SYT6: variants seen among roughly 807,000 people sequenced by gnomAD.
SYT6 encodes the protein synaptotagmin-6.
SYT6 carries 24 observed loss-of-function variants against 38.4 expected under a neutral mutation model. That is an observed-to-expected ratio of 0.62 (90% CI 0.45 to 0.88). SYT6 has a LOEUF of 0.88. Ranked by LOEUF, SYT6 falls within the 40% of genes least tolerant of loss-of-function variation. The probability of loss-of-function intolerance (pLI) is 0.00; values close to 1 mark genes in which losing one functional copy is unlikely to be tolerated. For synonymous variants in SYT6, 265 were observed against 241.9 expected (o/e 1.10, Z -0.89); for missense variants, 611 against 621.0 (o/e 0.98, Z 0.17).
At chr1:114,129,846 T>G (rs911762104) in intron 3 of SYT6, among the ~76,000 whole-genome samples, 29 of 151,148 alleles carry the variant, frequency 1.9e-4, no homozygotes, top group African/African-American at 6.8e-4. Context: ...CTGTTTTTTT[T>G]TTTTTTTTTT....
chr1:114,130,195 C>A, intron 3 of SYT6, among the ~76,000 whole-genome samples: 1 of 141,796 alleles, frequency 7.1e-6, no homozygotes, highest in African/African-American at 2.5e-5. Context: ...ACTTTCCTAT[C>A]ACATTTCCCT....
intron 3 of SYT6, among the ~76,000 whole-genome samples, chr1:114,113,013 G>C (rs531781983): frequency 7.2e-5 from 11 of 152,306 alleles, no homozygotes; most frequent in African/African-American, 2.6e-4. Context: ...GCCCTGAGGG[G>C]GATGCCAAAT....
intron 6 of SYT6, among the ~76,000 whole-genome samples, chr1:114,097,407 AAGGAC>A (rs1181911222): frequency 2.6e-5 from 4 of 152,202 alleles, no homozygotes; most frequent in African/African-American, 9.6e-5. Flanking sequence ...CTTTCTCCTA[AAGGAC>A]AGACTTGGCC....
chr1:114,142,737 A>G (rs1030104764), intron 1 of SYT6, among the ~76,000 whole-genome samples: 7 of 152,206 alleles, frequency 4.6e-5, no homozygotes, highest in African/African-American at 1.4e-4. Flanking sequence ...ACCAGCAACC[A>G]CCAAACTGGT....
intron 1 of SYT6, among the ~76,000 whole-genome samples, chr1:114,144,532 G>C (rs369336109): frequency 6.6e-6 from 1 of 152,148 alleles, no homozygotes; most frequent in African/African-American, 2.4e-5. Context: ...ACTATGACAC[G>C]TGTTTTTCCT....
rs74410982 is a variant in SYT6, at chr1:114,110,791, C to A, written c.1072-7070G>T. Among the ~76,000 whole-genome samples, 178 of 152,330 alleles carry A rather than the reference C, an allele frequency of 1.2e-3. 1 individual carries two copies. The highest frequency in any genetic ancestry group is 4.1e-3 in the African/African-American group (172 of 41,566). On this transcript the variant is annotated intron_variant, in intron 3 of 7. Coordinates refer to ENST00000610222, the MANE Select transcript of SYT6 (RefSeq NM_001253772.2). ...CTGAGGCCCTCTCCTCCCATCCTCG[C>A]TGCACTACCTCAGCTCTGGCCTGCA...
chr1:114,128,806 T>C (rs947042632), intron 3 of SYT6, among the ~76,000 whole-genome samples: 1 of 152,246 alleles, frequency 6.6e-6, no homozygotes, highest in African/African-American at 2.4e-5. Context: ...GTTTTCTTCA[T>C]AGCCCCACAT....
rs866659113 is a variant in SYT6 at position 114,129,613 on chromosome 1, T to C, written c.1071+7882A>G. 7.0e-3 allele frequency among the ~76,000 whole-genome samples: 473 copies of C among 67,936 alleles called. 3 individuals are homozygous for C. The highest frequency in any genetic ancestry group is 7.6e-3 in the African/African-American group (172 of 22,624). The allele number at this position is 67,936 out of a possible 152,430, so 44.6% of individuals were successfully genotyped here. A position where few individuals can be genotyped will look rare whatever the true frequency, so the allele number is the denominator to read the frequency against. On this transcript the variant is annotated intron_variant, in intron 3 of 7. Coordinates refer to ENST00000610222, the MANE Select transcript of SYT6 (RefSeq NM_001253772.2). The stretch of plus-strand genomic sequence containing the variant: ...CTTTCTTTCTTTCTTTCTTTCTTTC[T>C]TTCCTTTCTTTCTTTCTTTCTTTCT...
At chr1:114,108,946 C>A (rs915517234) in intron 3 of SYT6, among the ~76,000 whole-genome samples, 1 of 152,182 alleles carries the variant, frequency 6.6e-6, no homozygotes, top group African/African-American at 2.4e-5. Context: ...CATAGGAGAC[C>A]TAAAAAGATC....
At chr1:114,118,227 T>A (rs1253936879) in intron 3 of SYT6, among the ~76,000 whole-genome samples, 1 of 152,196 alleles carries the variant, frequency 6.6e-6, no homozygotes, top group Non-Finnish European at 1.5e-5. Flanking sequence ...AGCACGATGA[T>A]AAAGCGCCAA....
At chr1:114,152,142 T>C (rs1447158614) in intron 1 of SYT6, 1 of 151,948 alleles carries the variant, frequency 6.6e-6, no homozygotes, top group Non-Finnish European at 1.5e-5. Flanking sequence ...TACCTCTATA[T>C]ACGACCTTTA....
At chr1:114,106,107 AG>A (rs1676296171) in intron 3 of SYT6, among the ~76,000 whole-genome samples, 2 of 152,180 alleles carry the variant, frequency 1.3e-5, no homozygotes, top group Admixed American at 6.5e-5. Flanking sequence ...GTCCTGCGGC[AG>A]GGGGCAGATC....
At chr1:114,152,174 G>C (rs952786678) in intron 1 of SYT6, 4 of 152,056 alleles carry the variant, frequency 2.6e-5, no homozygotes, top group African/African-American at 7.3e-5. Context: ...AAGAAAACAG[G>C]ACCCTGGGAC....
intron 3 of SYT6, among the ~76,000 whole-genome samples, chr1:114,117,236 C>T (rs1677050523): frequency 6.6e-6 from 1 of 152,196 alleles, no homozygotes; most frequent in Admixed American, 6.5e-5. Flanking sequence ...GAAGCAGGTG[C>T]CTTTCGCCCT....
chr1:114,140,077 A>G, intron 1 of SYT6, 114 bp from the exon 2 acceptor site: 1 of 623,498 alleles, frequency 1.6e-6, no homozygotes, highest in Non-Finnish European at 2.6e-6. Context: ...AGAAGAGAGA[A>G]GAATGGTCAT....
chr1:114,151,723 G>T (rs770076370), intron 1 of SYT6, among the ~76,000 whole-genome samples: 6 of 152,204 alleles, frequency 3.9e-5, no homozygotes, highest in Non-Finnish European at 8.8e-5. Flanking sequence ...AGACGGAAGG[G>T]AGCTGGGGAG....
intron 1 of SYT6, among the ~76,000 whole-genome samples, chr1:114,147,019 T>C (rs2101119744): frequency 6.6e-6 from 1 of 152,360 alleles, no homozygotes; most frequent in South Asian, 2.1e-4. Context: ...GTCCTTAGTT[T>C]TGAAATTTGT....
Position 114,137,524 on chromosome 1 carries a change from T to G in SYT6, c.1042A>C (p.Ile348Leu). The G allele has an allele frequency of 6.2e-7, 1 of 1,613,922 alleles. No homozygotes were observed. The highest frequency in any genetic ancestry group is 8.5e-7 in the Non-Finnish European group (1 of 1,179,808). ...GTGGCATATTGGATATCCTTCCAGA[T>G]GGAGGTTTCCCGAGACAGGTCAGAG... ...EASDLSRETS[I>L]WKDIQYATSE... Residue 348 changes from isoleucine (I) to leucine (L), a missense_variant, in exon 3 of 8, where the codon ATC becomes CTC. By Grantham distance (5) the Ile-to-Leu change is conservative (BLOSUM62 2). Transcript: ENST00000610222.
At chr1:114,128,115 A>G (rs1469509647) in intron 3 of SYT6, among the ~76,000 whole-genome samples, 7 of 152,134 alleles carry the variant, frequency 4.6e-5, no homozygotes, top group Non-Finnish European at 7.4e-5. Flanking sequence ...TGGCCTGGGG[A>G]GCAGTCTTCA....
Sources: allele counts gnomAD v4.1 joint callset (sites outside exome capture counted in the v4.1 genomes callset), GRCh38; gene constraint gnomAD v4.1.1; transcripts MANE v1.5; gene names NCBI Gene and HGNC (gene_info 2026-07-23, HGNC 2026-07-21).